UBE3D: variants seen among roughly 807,000 people sequenced by gnomAD.
UBE3D encodes ubiquitin protein ligase E3D.
A neutral mutation model predicts 49.6 loss-of-function variants in UBE3D; 48 were observed. The ratio of observed to expected loss-of-function variants is 0.97; its 90% CI spans 0.77 to 1.23. The LOEUF is 1.23. Among genes scored for constraint, UBE3D ranks in the 50% most tolerant of loss-of-function variants. The pLI, the probability that UBE3D is intolerant of heterozygous loss-of-function variation, is 0.00. For missense variants in UBE3D, 452 were observed against 468.4 expected (o/e 0.96, Z 0.32); for synonymous variants, 189 against 174.2 (o/e 1.08, Z -0.67).
Position 83,056,085 on chromosome 6 carries a change from T to A in UBE3D, c.274+1741A>T, listed in dbSNP as rs182644713. 2.8e-3 allele frequency among the ~76,000 whole-genome samples: 434 copies of A among 152,344 alleles called. 1 individual carries two copies. The highest frequency in any genetic ancestry group is 9.0e-3 in the African/African-American group (376 of 41,580). On this transcript the variant is annotated intron_variant, in intron 2 of 9. Transcript: ENST00000369747. ...AGGAGACCAGTGAACACAAACAATA[T>A]GCAAATCAGCACATAGCAGTCAATT...
intron 9 of UBE3D, among the ~76,000 whole-genome samples, chr6:82,947,313 TAAAG>T (rs1483657376): frequency 6.6e-6 from 1 of 151,914 alleles, no homozygotes; most frequent in Non-Finnish European, 1.5e-5. Context: ...AAAGTATTAT[TAAAG>T]AAAGAGATGA....
the UBE3D span, among the ~76,000 whole-genome samples, chr6:82,884,703 T>C: frequency 6.6e-6 from 1 of 152,170 alleles, no homozygotes; most frequent in Admixed American, 6.5e-5. Context: ...TCATGGTATT[T>C]CAGGTGGAAC....
At chr6:82,913,208 G>T (rs1055190969) in intron 9 of UBE3D, among the ~76,000 whole-genome samples, 1 of 152,072 alleles carries the variant, frequency 6.6e-6, no homozygotes, top group East Asian at 1.9e-4. Context: ...AGTACCAAAG[G>T]GTGGTTATAA....
At chr6:82,934,910 T>C (rs1477252380) in intron 9 of UBE3D, among the ~76,000 whole-genome samples, 1 of 38,724 alleles carries the variant, frequency 2.6e-5, no homozygotes, top group Non-Finnish European at 6.7e-5. Flanking sequence ...TAAGTATGAG[T>C]GTGTATTTAC....
At chr6:82,933,628 A>G (rs1380185729) in intron 9 of UBE3D, among the ~76,000 whole-genome samples, 1 of 152,218 alleles carries the variant, frequency 6.6e-6, no homozygotes, top group Non-Finnish European at 1.5e-5. Flanking sequence ...ACAAATGGCC[A>G]CAACTTGCCT....
rs777788641 is a variant in UBE3D, at chr6:83,044,528, G to C, written c.497C>G (p.Ser166Cys). 9 of 1,614,144 alleles carry C rather than the reference G, an allele frequency of 5.6e-6. No homozygotes were observed. Among genetic ancestry groups the C allele is most frequent in the African/African-American group, 1.3e-5 (1 of 75,024 alleles). Residue 166 changes from serine to cysteine, a missense_variant, in exon 4 of 10, where the codon TCT becomes TGT. Physicochemically the swap from Ser to Cys is moderately radical, Grantham distance 112 (BLOSUM62 -1). Transcript: ENST00000369747. ...GGTTCTTAAATTCACCAAGAAGAAAGAGTCTCCAATAAAACAGTCATTCTC... is the reference window on the plus strand; with the variant it reads ...GGTTCTTAAATTCACCAAGAAGAAACAGTCTCCAATAAAACAGTCATTCTC... ...PQENDCFIGD[S>C]FFLVNLRTSL...
intron 4 of UBE3D, among the ~76,000 whole-genome samples, chr6:83,042,213 T>C (rs1782724508): frequency 6.6e-6 from 1 of 152,086 alleles, no homozygotes; most frequent in Non-Finnish European, 1.5e-5. Flanking sequence ...CGGCCCAAGA[T>C]GCAAAATTTG....
intron 9 of UBE3D, among the ~76,000 whole-genome samples, chr6:82,941,603 C>T (rs1344754522): frequency 6.6e-6 from 1 of 152,228 alleles, no homozygotes; most frequent in African/African-American, 2.4e-5. Flanking sequence ...CAGTTTGGCT[C>T]TGTGTCCCCA....
chr6:82,957,878 T>G (rs1453496450), intron 8 of UBE3D, among the ~76,000 whole-genome samples: 1 of 152,240 alleles, frequency 6.6e-6, no homozygotes, highest in Non-Finnish European at 1.5e-5. Context: ...TTTTCTGAGC[T>G]GGATAGGCCC....
At chr6:82,896,774 C>T (rs1771352981) in intron 9 of UBE3D, among the ~76,000 whole-genome samples, 1 of 151,364 alleles carries the variant, frequency 6.6e-6, no homozygotes, top group African/African-American at 2.4e-5. Flanking sequence ...GAGAGTCTTG[C>T]TCTGTTGCCC....
downstream of UBE3D, among the ~76,000 whole-genome samples, chr6:82,890,243 G>A (rs1770956368): frequency 6.6e-6 from 1 of 152,034 alleles, no homozygotes; most frequent in African/African-American, 2.4e-5. Context: ...TTGTTTCTGT[G>A]CATGTGTCTC....
chr6:83,029,215 CTCT>C (rs1234150895), intron 5 of UBE3D, among the ~76,000 whole-genome samples: 3 of 152,084 alleles, frequency 2.0e-5, no homozygotes, highest in Non-Finnish European at 4.4e-5. Context: ...CTTTCAATTT[CTCT>C]TCATTATTTG....
chr6:82,986,593 T>A (rs891917251), intron 8 of UBE3D, among the ~76,000 whole-genome samples: 2 of 150,156 alleles, frequency 1.3e-5, no homozygotes, highest in Non-Finnish European at 3.0e-5. Context: ...TCTGTGTTAT[T>A]GTACATGGGG....
chr6:82,996,727 G>A (rs563553311), intron 8 of UBE3D, among the ~76,000 whole-genome samples: 1 of 152,198 alleles, frequency 6.6e-6, no homozygotes, highest in South Asian at 2.1e-4. Flanking sequence ...CTAATCATGA[G>A]AAAAACATCA....
chr6:82,984,439 A>G (rs1452227900), intron 8 of UBE3D, among the ~76,000 whole-genome samples: 1 of 152,190 alleles, frequency 6.6e-6, no homozygotes, highest in Admixed American at 6.5e-5. Context: ...GAATTGCTCC[A>G]TCAAAAAAGT....
chr6:82,979,401 C>T (rs1242892835), intron 8 of UBE3D, among the ~76,000 whole-genome samples: 2 of 152,134 alleles, frequency 1.3e-5, no homozygotes, highest in African/African-American at 4.8e-5. Context: ...TCCTCTGCAA[C>T]ATTCCTAACA....
chr6:83,055,748 A>G (rs934886381), intron 2 of UBE3D, among the ~76,000 whole-genome samples: 5 of 152,224 alleles, frequency 3.3e-5, no homozygotes, highest in African/African-American at 7.2e-5. Context: ...GATGTTTACT[A>G]TAGTTGTCCT....
chr6:83,047,875 G>A (rs1582742633), intron 3 of UBE3D, among the ~76,000 whole-genome samples: 1 of 152,010 alleles, frequency 6.6e-6, no homozygotes, highest in East Asian at 1.9e-4. Flanking sequence ...GAGGTCAGGA[G>A]ATCAAGACCA....
downstream of UBE3D, among the ~76,000 whole-genome samples, chr6:82,887,455 TC>T (rs573511174): frequency 1.2e-3 from 158 of 136,004 alleles, 2 homozygotes; most frequent in South Asian, 0.011. Flanking sequence ...ACACCTATAA[TC>T]CCAGCACTTT....
Sources: allele counts gnomAD v4.1 joint callset (sites outside exome capture counted in the v4.1 genomes callset), GRCh38; gene constraint gnomAD v4.1.1; transcripts MANE v1.5; gene names NCBI Gene and HGNC (gene_info 2026-07-23, HGNC 2026-07-21).